The following TMEM132E variants were observed in gnomAD, a reference collection of about 807,000 sequenced individuals.
The protein encoded by TMEM132E is transmembrane protein 132E.
Under a neutral mutation model 78.5 loss-of-function variants are expected in TMEM132E, and 49 were observed. That is an observed-to-expected ratio of 0.62 (90% CI 0.50 to 0.79). The LOEUF (loss-of-function observed/expected upper bound fraction) is 0.79, where lower values mean the gene tolerates loss of function less well. Ranked by LOEUF, TMEM132E falls within the 30% of genes least tolerant of loss-of-function variation. The pLI, the probability that TMEM132E is intolerant of heterozygous loss-of-function variation, is 0.00. For synonymous variants in TMEM132E, 715 were observed against 670.6 expected (o/e 1.07, Z -1.02); for missense variants, 1,403 against 1,470.9 (o/e 0.95, Z 0.75).
chr17:34,621,765 G>A (rs1906965435), intron 1 of TMEM132E, among the ~76,000 whole-genome samples: 1 of 152,186 alleles, frequency 6.6e-6, no homozygotes, highest in Non-Finnish European at 1.5e-5. Flanking sequence ...CAGGCCCACG[G>A]AATTGTTATG....
chr17:34,625,235 A>G (rs73284090), intron 1 of TMEM132E, among the ~76,000 whole-genome samples: 141 of 152,310 alleles, frequency 9.3e-4, no homozygotes, highest in African/African-American at 3.1e-3. Flanking sequence ...TGGAATTGCC[A>G]GAAGTTGGCA....
intron 1 of TMEM132E, among the ~76,000 whole-genome samples, chr17:34,602,017 T>C (rs1036673510): frequency 6.6e-6 from 1 of 152,252 alleles, no homozygotes; most frequent in Non-Finnish European, 1.5e-5. Context: ...CACAAGGCAC[T>C]GGGTCCATGG....
chr17:34,593,883 A>G (rs779318284), intron 1 of TMEM132E, among the ~76,000 whole-genome samples: 3 of 152,040 alleles, frequency 2.0e-5, no homozygotes, highest in Non-Finnish European at 4.4e-5. Flanking sequence ...CTTTGACCCA[A>G]TCTTCCCCTT....
chr17:34,627,496 G>GTGTGTGTGTGTGTGTGTGTGTGTGTA (rs1907198134), intron 2 of TMEM132E, among the ~76,000 whole-genome samples: 1 of 151,760 alleles, frequency 6.6e-6, no homozygotes, highest in African/African-American at 2.4e-5. Context: ...GTGTGTGTGT[G>GTGTGTGTGTGTGTGTGTGTGTGTGTA]TGTGTGTGTT....
chr17:34,622,058 G>T (rs1401984548), intron 1 of TMEM132E, among the ~76,000 whole-genome samples: 1 of 152,164 alleles, frequency 6.6e-6, no homozygotes, highest in Non-Finnish European at 1.5e-5. Flanking sequence ...GCTCCATGAT[G>T]TCTGGCAGTC....
rs182080824 is a variant in TMEM132E at position 34,634,929 on chromosome 17, G to A, written c.1819G>A (p.Glu607Lys). The A allele has an allele frequency of 5.0e-5, 80 of 1,614,174 alleles. 1 individual carries two copies. Among genetic ancestry groups the A allele is most frequent in the Admixed American group, 4.3e-4 (26 of 60,032 alleles). The change falls in exon 7 of 9, where the codon GAG becomes AAG. Residue 607 changes from glutamate to lysine, a missense_variant. By Grantham distance (56) the Glu-to-Lys change is moderately conservative. Transcript: ENST00000631683. ...CACCCAGTTCCACACGACATCATCC[G>A]AGGGCACTGACCAGGTGGTCACCAT... ...VFTQFHTTSS[E>K]GTDQVVTMLG...
At chr17:34,596,795 C>T (rs549740460) in intron 1 of TMEM132E, among the ~76,000 whole-genome samples, 38 of 134,460 alleles carry the variant, frequency 2.8e-4, no homozygotes, top group Middle Eastern at 5.3e-3. Context: ...AAGTCTTCAT[C>T]TTTTCTCTTC....
chr17:34,583,574 T>C (rs1430944783), intron 1 of TMEM132E, among the ~76,000 whole-genome samples: 1 of 152,220 alleles, frequency 6.6e-6, no homozygotes, highest in African/African-American at 2.4e-5. Flanking sequence ...TGACTCTTGG[T>C]TGGGGTTCCG....
intron 1 of TMEM132E, among the ~76,000 whole-genome samples, chr17:34,619,861 C>T (rs16970099): frequency 6.6e-6 from 1 of 152,250 alleles, no homozygotes; most frequent in Non-Finnish European, 1.5e-5. Flanking sequence ...ACACTGACAT[C>T]TGGTGTGGAT....
intron 1 of TMEM132E, among the ~76,000 whole-genome samples, chr17:34,583,350 G>A (rs1352947030): frequency 2.0e-5 from 3 of 152,228 alleles, no homozygotes. Context: ...TCCATCGCAT[G>A]TCTCAGTCTC....
rs898652271 is a variant in TMEM132E at position 34,580,957 on chromosome 17, G to T, written c.-120G>T. On this transcript the variant is annotated 5_prime_UTR_variant, in exon 1 of 9. Transcript: ENST00000631683. ...CCGAATTGCACTCTCTGGTCCCGGAGCTGCATCTGAGACAGCCGGGCGCCA... is the reference window on the plus strand; with the variant it reads ...CCGAATTGCACTCTCTGGTCCCGGATCTGCATCTGAGACAGCCGGGCGCCA... The T allele has an allele frequency of 2.9e-6, 2 of 697,788 alleles. No individual in the cohort carries two copies. The highest frequency in any genetic ancestry group is 4.5e-6 in the Non-Finnish European group (2 of 442,062). 43.2% of individuals were successfully genotyped at this position (697,788 alleles called of 1,614,324 possible).
chr17:34,585,920 A>G (rs1905656902), intron 1 of TMEM132E, among the ~76,000 whole-genome samples: 1 of 152,222 alleles, frequency 6.6e-6, no homozygotes, highest in South Asian at 2.1e-4. Context: ...TCCTCAGGAT[A>G]CAGGATATCT....
At chr17:34,606,674 T>TA (rs1168372329) in intron 1 of TMEM132E, among the ~76,000 whole-genome samples, 1 of 152,190 alleles carries the variant, frequency 6.6e-6, no homozygotes, top group Non-Finnish European at 1.5e-5. Flanking sequence ...CCATGGTTCT[T>TA]ACATAGGTCC....
In TMEM132E at chr17:34,637,751, G is replaced by C. The variant is rs1907581355; in HGVS notation, c.2744G>C (p.Arg915Pro). ...FLINCIVFVL[R>P]YRHKRIPPEG... ...ATCAACTGCATCGTTTTTGTGCTGC[G>C]CTACCGGCACAAGCGCATCCCGCCC... Residue 915 changes from arginine (R) to proline (P), a missense_variant, in exon 9 of 9, where the codon CGC (arginine) becomes CCC (proline). Arg to Pro is a moderately radical substitution (Grantham distance 103). Around this residue, in one of 3 missense-constraint regions of TMEM132E, gnomAD observed 888 missense variants for 952.8 expected, o/e 0.93. Coordinates refer to ENST00000631683, the MANE Select transcript of TMEM132E (RefSeq NM_001304438.2). 1 of 1,613,572 alleles carries C rather than the reference G, an allele frequency of 6.2e-7. No individual in the cohort carries two copies. Among genetic ancestry groups the C allele is most frequent in the Non-Finnish European group, 8.5e-7 (1 of 1,179,988 alleles).
intron 2 of TMEM132E, 143 bp downstream of exon 2, chr17:34,627,200 C>T (rs948946668): frequency 3.7e-5 from 33 of 886,470 alleles, no homozygotes; most frequent in Middle Eastern, 5.3e-4. Context: ...TCACTTAGCA[C>T]TTGAGCAACC....
At chr17:34,586,521 G>A (rs901769032) in intron 1 of TMEM132E, among the ~76,000 whole-genome samples, 15 of 151,980 alleles carry the variant, frequency 9.9e-5, no homozygotes, top group African/African-American at 3.1e-4. Flanking sequence ...TGAGACAAGT[G>A]AGCCAATGTT....
chr17:34,624,622 A>T (rs1907063718), intron 1 of TMEM132E, among the ~76,000 whole-genome samples: 1 of 152,174 alleles, frequency 6.6e-6, no homozygotes, highest in Non-Finnish European at 1.5e-5. Flanking sequence ...AGGGGAGATA[A>T]GGCAGCAGCC....
In TMEM132E at chr17:34,634,806, C is replaced by T. The variant is rs762912026; in HGVS notation, c.1696C>T (p.Arg566Trp). ...VPILPDRRSV[R>W]ESEDEDEEEE... ...GGCATGTCCCCACCCCAGGTCAGTC[C>T]GGGAAAGCGAGGATGAGGATGAGGA... Residue 566 changes from arginine to tryptophan, a missense_variant, in exon 7 of 9, where the codon CGG becomes TGG. Transcript: ENST00000631683. The T allele has an allele frequency of 2.4e-5, 38 of 1,611,986 alleles. No homozygotes were observed. The highest frequency in any genetic ancestry group is 5.0e-5 in the Admixed American group (3 of 59,736).
At chr17:34,581,523 G>A (rs901612740) in intron 1 of TMEM132E, among the ~76,000 whole-genome samples, 1 of 152,160 alleles carries the variant, frequency 6.6e-6, no homozygotes, top group African/African-American at 2.4e-5. Context: ...CGGGCTGGGG[G>A]CTGTTGGGAT....
Sources: gnomAD v4.1 joint callset for allele counts (sites outside exome capture counted in the v4.1 genomes callset) on GRCh38, gnomAD v4.1.1 for gene constraint, gnomAD v4.1.1 regional missense constraint, MANE v1.5 for transcripts, NCBI Gene and HGNC (gene_info 2026-07-23, HGNC 2026-07-21) for gene names.